Variants in ADI1 observed in about 807,000 individuals in gnomAD.
The protein encoded by ADI1 is acireductone dioxygenase.
ADI1 carries 21 observed loss-of-function variants against 18.7 expected under a neutral mutation model. The observed-to-expected ratio is 1.13, with a 90% CI of 0.80 to 1.62. The LOEUF (loss-of-function observed/expected upper bound fraction) is 1.62, where lower values mean the gene tolerates loss of function less well. Among genes scored for constraint, ADI1 ranks in the 40% most tolerant of loss-of-function variants. The pLI, the probability that ADI1 is intolerant of heterozygous loss-of-function variation, is 0.00. For synonymous variants in ADI1, 90 were observed against 100.1 expected (o/e 0.90, Z 0.60); for missense variants, 245 against 254.9 (o/e 0.96, Z 0.26).
At chr2:3,507,518 A>T (rs1667198850) in intron 2 of ADI1, among the ~76,000 whole-genome samples, 1 of 152,116 alleles carries the variant, frequency 6.6e-6, no homozygotes, top group South Asian at 2.1e-4. Flanking sequence ...AAGAAAAAAA[A>T]AACTACCAAC....
At chr2:3,502,369 A>G (rs1009133378) in intron 2 of ADI1, among the ~76,000 whole-genome samples, 4 of 152,156 alleles carry the variant, frequency 2.6e-5, no homozygotes, top group African/African-American at 9.7e-5. Context: ...ATAAAATGAA[A>G]ACAAGATTAG....
At chr2:3,501,072 G>T in intron 2 of ADI1, 79 bp from the exon 3 acceptor site, 1 of 1,346,602 alleles carries the variant, frequency 7.4e-7, no homozygotes, top group Non-Finnish European at 1.0e-6. Context: ...AGCAGCCTGA[G>T]CCTTTGGTGG....
chr2:3,510,037 G>A (rs1026765467), intron 2 of ADI1, among the ~76,000 whole-genome samples: 4 of 151,900 alleles, frequency 2.6e-5, no homozygotes, highest in African/African-American at 9.7e-5. Context: ...CAGCTACTCA[G>A]GAGGCTGAGG....
At chr2:3,503,852 GACCA>G (rs1442203777) in intron 2 of ADI1, among the ~76,000 whole-genome samples, 1 of 152,148 alleles carries the variant, frequency 6.6e-6, no homozygotes, top group Admixed American at 6.5e-5. Context: ...ATAGACCCTA[GACCA>G]ACAAGTGAGA....
chr2:3,513,749 C>T (rs953871655), intron 2 of ADI1, 108 bp downstream of exon 2: 1 of 1,213,302 alleles, frequency 8.2e-7, no homozygotes, highest in Non-Finnish European at 1.1e-6. Context: ...TATAGCAAAG[C>T]AAGAATGGCC....
intron 2 of ADI1, among the ~76,000 whole-genome samples, chr2:3,508,195 C>T (rs1171690755): frequency 8.6e-5 from 13 of 151,582 alleles, no homozygotes; most frequent in African/African-American, 3.2e-4. Context: ...ATTAGCTGGG[C>T]GTGGTGGCAG....
chr2:3,503,777 G>A (rs987073556), intron 2 of ADI1, among the ~76,000 whole-genome samples: 1 of 152,174 alleles, frequency 6.6e-6, no homozygotes, highest in Non-Finnish European at 1.5e-5. Context: ...GTCAGCTAAC[G>A]AGGCTGCTGC....
chr2:3,503,361 ACACACATG>A (rs1667080784), intron 2 of ADI1, among the ~76,000 whole-genome samples: 1 of 110,770 alleles, frequency 9.0e-6, no homozygotes, highest in Admixed American at 7.8e-5. Context: ...ACGCACATTC[ACACACATG>A]CACACATACA....
chr2:3,500,510 C>T, intron 3 of ADI1: 2 of 317,062 alleles, frequency 6.3e-6, no homozygotes, highest in Non-Finnish European at 1.0e-5. Context: ...CAGGGCCAGG[C>T]TCGTGGGTGT....
intron 2 of ADI1, among the ~76,000 whole-genome samples, chr2:3,510,453 G>C (rs1319264854): frequency 6.6e-6 from 1 of 152,050 alleles, no homozygotes. Context: ...ATAAATGTCA[G>C]AGCAGAATCC....
intron 1 of ADI1, chr2:3,514,999 C>T: frequency 2.2e-6 from 2 of 925,480 alleles, no homozygotes; most frequent in Non-Finnish European, 3.1e-6. Flanking sequence ...GGATGTATGT[C>T]ACCTCAGGAC....
chr2:3,501,092 G>T (rs1356022324), intron 2 of ADI1, 99 bp from the exon 3 acceptor site: 1 of 1,036,912 alleles, frequency 9.6e-7, no homozygotes, highest in Non-Finnish European at 1.4e-6. Flanking sequence ...GGCCAGAGCT[G>T]AGGTGAATGG....
At chr2:3,510,113 A>T (rs1403947609) in intron 2 of ADI1, among the ~76,000 whole-genome samples, 1 of 150,806 alleles carries the variant, frequency 6.6e-6, no homozygotes, top group Non-Finnish European at 1.5e-5. Flanking sequence ...ATTGCACTCC[A>T]GCCTGGGCAA....
intron 1 of ADI1, 183 bp downstream of exon 1, chr2:3,519,185 C>T: frequency 2.2e-6 from 2 of 910,138 alleles, no homozygotes; most frequent in Non-Finnish European, 1.5e-6. Context: ...AGCCCCACTG[C>T]TGAGCATGCG....
intron 1 of ADI1, among the ~76,000 whole-genome samples, chr2:3,518,431 C>A (rs901255142): frequency 6.6e-6 from 1 of 152,236 alleles, no homozygotes; most frequent in Non-Finnish European, 1.5e-5. Context: ...TTGCAGTAAA[C>A]CTTTGTTACT....
intron 2 of ADI1, among the ~76,000 whole-genome samples, chr2:3,508,944 A>AAAGGAGAGGAGAGGG (rs1667235427): frequency 1.4e-5 from 2 of 141,712 alleles, no homozygotes; most frequent in Non-Finnish European, 3.1e-5. Context: ...GAAGGGGAGA[A>AAAGGAGAGGAGAGGG]AAGGAGAGGA....
intron 1 of ADI1, among the ~76,000 whole-genome samples, chr2:3,514,591 A>T (rs940836578): frequency 6.6e-6 from 1 of 152,208 alleles, no homozygotes; most frequent in Admixed American, 6.5e-5. Flanking sequence ...AACCTTGCTC[A>T]TGACAGCTTT....
At chr2:3,518,924 T>G (rs1667491556) in intron 1 of ADI1, among the ~76,000 whole-genome samples, 1 of 152,218 alleles carries the variant, frequency 6.6e-6, no homozygotes, top group South Asian at 2.1e-4. Flanking sequence ...GGCCCCTGAC[T>G]CGCCAACTCT....
intron 2 of ADI1, among the ~76,000 whole-genome samples, chr2:3,502,181 A>G (rs890673772): frequency 1.1e-4 from 16 of 151,872 alleles, no homozygotes; most frequent in Middle Eastern, 6.3e-3. Context: ...GTGCACTACC[A>G]TACCTGGCTA....
Sources: gnomAD v4.1 joint callset for allele counts (sites outside exome capture counted in the v4.1 genomes callset) on GRCh38, gnomAD v4.1.1 for gene constraint, MANE v1.5 for transcripts, NCBI Gene and HGNC (gene_info 2026-07-23, HGNC 2026-07-21) for gene names.